MEF2A: variants seen among roughly 807,000 people sequenced by gnomAD.
The protein encoded by MEF2A is myocyte-specific enhancer factor 2A.
MEF2A carries 28 observed loss-of-function variants against 55.8 expected under a neutral mutation model. The observed-to-expected ratio is 0.50, with a 90% CI of 0.37 to 0.69. MEF2A has a LOEUF of 0.69. Ranked by LOEUF, MEF2A falls within the 30% of genes least tolerant of loss-of-function variation. MEF2A has a pLI of 0.00. For synonymous variants in MEF2A, 239 were observed against 227.1 expected (o/e 1.05, Z -0.47); for missense variants, 528 against 626.2 (o/e 0.84, Z 1.67).
intron 3 of MEF2A, among the ~76,000 whole-genome samples, chr15:99,644,704 C>G (rs2045650553): frequency 6.6e-6 from 1 of 152,118 alleles, no homozygotes; most frequent in Non-Finnish European, 1.5e-5. Context: ...TTTAAACAGA[C>G]TTTATGTTTT....
intron 1 of MEF2A, among the ~76,000 whole-genome samples, chr15:99,593,493 T>C (rs1970068579): frequency 1.3e-5 from 2 of 152,176 alleles, no homozygotes; most frequent in Non-Finnish European, 2.9e-5. Context: ...AGGAGTTGGG[T>C]GCCCATATGA....
intron 4 of MEF2A, among the ~76,000 whole-genome samples, chr15:99,660,931 AT>A: frequency 6.6e-6 from 1 of 152,242 alleles, no homozygotes; most frequent in East Asian, 1.9e-4. Flanking sequence ...CACAGAGAAA[AT>A]AGAACAGAAG....
Position 99,712,959 on chromosome 15 carries a change from CT to C in MEF2A, c.*190del, listed in dbSNP as rs1300522259. ...TGTGTTACATACACAGAATCAGGCACTTACCTGCAAACTCCTTGTAGGTCTG... is the reference window on the plus strand; with the variant it reads ...TGTGTTACATACACAGAATCAGGCACTACCTGCAAACTCCTTGTAGGTCTG... On this transcript the variant is annotated 3_prime_UTR_variant, in exon 12 of 12. Coordinates refer to ENST00000557942, the MANE Select transcript of MEF2A (RefSeq NM_001319206.4). The surrounding 1 kb of genome is among the most constrained non-coding windows in gnomAD (Gnocchi z 4.1). 4.4e-6 allele frequency: 3 copies of C among 684,280 alleles called. No individual in the cohort carries two copies. The highest frequency in any genetic ancestry group is 7.1e-6 in the Non-Finnish European group (3 of 420,008). 42.4% of individuals were successfully genotyped at this position (684,280 alleles called of 1,614,324 possible).
intron 2 of MEF2A, among the ~76,000 whole-genome samples, chr15:99,615,850 T>G (rs1396512010): frequency 6.6e-6 from 1 of 152,210 alleles, no homozygotes; most frequent in Non-Finnish European, 1.5e-5. Flanking sequence ...ACATCAACAT[T>G]CACATGGCCT....
At chr15:99,676,372 C>T (rs570881490) in intron 7 of MEF2A, among the ~76,000 whole-genome samples, 84 of 151,496 alleles carry the variant, frequency 5.5e-4, no homozygotes, top group African/African-American at 1.9e-3. Context: ...TGTTTGTATG[C>T]CTACATACTG....
intron 7 of MEF2A, among the ~76,000 whole-genome samples, chr15:99,683,601 G>A (rs1014795960): frequency 6.6e-5 from 10 of 150,848 alleles, no homozygotes; most frequent in African/African-American, 1.2e-4. Context: ...GTGGGGTTTC[G>A]CCATGTTGGC....
chr15:99,606,100 G>A (rs986357242), intron 2 of MEF2A, among the ~76,000 whole-genome samples: 1 of 152,140 alleles, frequency 6.6e-6, no homozygotes, highest in African/African-American at 2.4e-5. Context: ...GCCTGGAAAA[G>A]GGTTCACATG....
At chr15:99,687,283 A>T (rs969523895) in intron 7 of MEF2A, among the ~76,000 whole-genome samples, 3 of 151,690 alleles carry the variant, frequency 2.0e-5, no homozygotes, top group Non-Finnish European at 4.4e-5. Context: ...GATTATTAGG[A>T]CGAATTTTAG....
At chr15:99,673,684 G>A (rs865864055) in intron 5 of MEF2A, among the ~76,000 whole-genome samples, 1 of 152,022 alleles carries the variant, frequency 6.6e-6, no homozygotes, top group Non-Finnish European at 1.5e-5. Flanking sequence ...TAATTTGGAG[G>A]GAGGGAAGGT....
intron 4 of MEF2A, among the ~76,000 whole-genome samples, chr15:99,665,844 C>A (rs2049572350): frequency 6.7e-6 from 1 of 149,152 alleles, no homozygotes; most frequent in Admixed American, 6.7e-5. Context: ...AAAAGCTCAT[C>A]ATCACTGGTC....
chr15:99,588,920 T>A lies in MEF2A; in HGVS notation c.-224-9510T>A, dbSNP rs527252637. Among the ~76,000 whole-genome samples, 3 of 152,332 alleles carry A rather than the reference T, an allele frequency of 2.0e-5. No homozygotes were observed. The South Asian group carries it at 6.2e-4, about 32-fold the overall frequency. On this transcript the variant is annotated intron_variant, in intron 1 of 11. Transcript: ENST00000557942. ...TTGTATTCCTGAGACAAACCCCATCTGTACTGATATTTTCTTTACATATTT... is the reference window on the plus strand; with the variant it reads ...TTGTATTCCTGAGACAAACCCCATCAGTACTGATATTTTCTTTACATATTT...
chr15:99,571,072 C>T (rs909001841), intron 1 of MEF2A, among the ~76,000 whole-genome samples: 4 of 151,822 alleles, frequency 2.6e-5, no homozygotes, highest in African/African-American at 7.3e-5. Flanking sequence ...GTTATCCCGC[C>T]ACTCTGGAGG....
At chr15:99,681,257 A>G (rs1323627776) in intron 7 of MEF2A, among the ~76,000 whole-genome samples, 1 of 152,266 alleles carries the variant, frequency 6.6e-6, no homozygotes, top group African/African-American at 2.4e-5. Flanking sequence ...TTTGCATTGT[A>G]GCAGGCACAT....
At chr15:99,620,177 A>G (rs1165095232) in intron 2 of MEF2A, among the ~76,000 whole-genome samples, 1 of 152,216 alleles carries the variant, frequency 6.6e-6, no homozygotes, top group East Asian at 1.9e-4. Context: ...TGAACACAAT[A>G]TCTACAGAAT....
At chr15:99,583,169 A>G (rs1238752530) in intron 1 of MEF2A, among the ~76,000 whole-genome samples, 1 of 152,060 alleles carries the variant, frequency 6.6e-6, no homozygotes, top group Admixed American at 6.5e-5. Flanking sequence ...TTCGTTTTAA[A>G]TAGATAGAAC....
At chr15:99,685,332 G>A (rs569002441) in intron 7 of MEF2A, among the ~76,000 whole-genome samples, 2 of 152,242 alleles carry the variant, frequency 1.3e-5, no homozygotes, top group South Asian at 2.1e-4. Flanking sequence ...GTGAGCATGA[G>A]ATGTGTTTCC....
At chr15:99,667,291 G>A (rs189099441) in intron 4 of MEF2A, among the ~76,000 whole-genome samples, 18 of 152,038 alleles carry the variant, frequency 1.2e-4, no homozygotes, top group East Asian at 3.9e-4. Context: ...GCACGATCTC[G>A]CTCACTGCAA....
chr15:99,575,710 G>A (rs537403876), intron 1 of MEF2A, among the ~76,000 whole-genome samples: 1 of 152,226 alleles, frequency 6.6e-6, no homozygotes, highest in African/African-American at 2.4e-5. Context: ...GATTACTCTT[G>A]CCTGAATCAC....
chr15:99,630,394 T>A (rs928899092), intron 2 of MEF2A, among the ~76,000 whole-genome samples: 4 of 152,190 alleles, frequency 2.6e-5, no homozygotes, highest in African/African-American at 9.6e-5. Flanking sequence ...ATCACTTCTT[T>A]TTCAAAATTG....
Sources: gnomAD v4.1 joint callset for allele counts (sites outside exome capture counted in the v4.1 genomes callset) on GRCh38, gnomAD v4.1.1 for gene constraint, Gnocchi (gnomAD v3.1) non-coding constraint, MANE v1.5 for transcripts, NCBI Gene and HGNC (gene_info 2026-07-23, HGNC 2026-07-21) for gene names.